SPATA31H1: variants seen among roughly 807,000 people sequenced by gnomAD.
SPATA31H1 encodes spermatogenesis-associated protein 31H1.
chr2:27,567,149 GA>G, the SPATA31H1 span: 6 of 672,892 alleles, frequency 8.9e-6, no homozygotes, highest in South Asian at 1.7e-5. Flanking sequence ...AACAAAAAAG[GA>G]AAAAAAATGA....
the SPATA31H1 span, among the ~76,000 whole-genome samples, chr2:27,548,264 C>T: frequency 2.6e-5 from 4 of 151,768 alleles, no homozygotes; most frequent in East Asian, 3.9e-4. Context: ...CCACCGCGCC[C>T]GGACTTAACA....
At chr2:27,582,150 A>G in the SPATA31H1 span, 1 of 1,614,116 alleles carries the variant, frequency 6.2e-7, no homozygotes, top group Admixed American at 1.7e-5. Context: ...CTTGGAAAGA[A>G]GCCGTTGCAG....
At chr2:27,544,915 T>C in the SPATA31H1 span, among the ~76,000 whole-genome samples, 3 of 151,926 alleles carry the variant, frequency 2.0e-5, no homozygotes, top group African/African-American at 4.9e-5. Flanking sequence ...CCAGCGTATA[T>C]TGAAATGTAG....
At chr2:27,541,230 A>T in the SPATA31H1 span, among the ~76,000 whole-genome samples, 1 of 151,894 alleles carries the variant, frequency 6.6e-6, no homozygotes. Flanking sequence ...CCACCAAAAA[A>T]AACATGAAAA....
the SPATA31H1 span, chr2:27,565,371 A>G: frequency 2.0e-5 from 14 of 717,308 alleles, no homozygotes; most frequent in Non-Finnish European, 3.4e-5. Flanking sequence ...AAGATCCAGA[A>G]ATTAACAGGT....
chr2:27,548,996 C>T, the SPATA31H1 span, among the ~76,000 whole-genome samples: 2 of 150,320 alleles, frequency 1.3e-5, no homozygotes, highest in Non-Finnish European at 2.9e-5. Flanking sequence ...ATTGCTTGAA[C>T]CCAGGAGGCG....
chr2:27,538,571 C>G, the SPATA31H1 span, among the ~76,000 whole-genome samples: 3 of 152,126 alleles, frequency 2.0e-5, no homozygotes, highest in African/African-American at 7.2e-5. Flanking sequence ...GTGGCTCTCG[C>G]CTGTAATCCC....
chr2:27,580,971 C>T, the SPATA31H1 span: 4 of 1,614,162 alleles, frequency 2.5e-6, no homozygotes, highest in Non-Finnish European at 3.4e-6. Context: ...TATTGCTTTC[C>T]AAACTGCCTC....
the SPATA31H1 span, chr2:27,579,282 G>C: frequency 6.2e-7 from 1 of 1,614,134 alleles, no homozygotes; most frequent in Non-Finnish European, 8.5e-7. Flanking sequence ...GACCACTATG[G>C]AAAGGAAGCT....
At chr2:27,575,160 A>T in the SPATA31H1 span, 10 of 398,562 alleles carry the variant, frequency 2.5e-5, no homozygotes, top group East Asian at 2.8e-4. This position sits in a 1 kb window ranked among gnomAD's most constrained non-coding sequence, Gnocchi z 4.1. Context: ...AAAGCTTCAG[A>T]CGGTGAACTC....
the SPATA31H1 span, chr2:27,575,335 A>G: frequency 2.5e-6 from 1 of 398,552 alleles, no homozygotes; most frequent in Non-Finnish European, 4.4e-6. The surrounding 1 kb of genome is among the most constrained non-coding windows in gnomAD (Gnocchi z 4.1). Context: ...CAAAGTGTAA[A>G]ATTTATGGTG....
the SPATA31H1 span, among the ~76,000 whole-genome samples, chr2:27,553,756 T>C: frequency 7.3e-6 from 1 of 136,892 alleles, no homozygotes; most frequent in South Asian, 2.2e-4. Context: ...ACCCTGTCTG[T>C]ACTAAAAATA....
chr2:27,546,872 A>G, the SPATA31H1 span, among the ~76,000 whole-genome samples: 171 of 152,162 alleles, frequency 1.1e-3, 2 homozygotes, highest in African/African-American at 4.0e-3. Context: ...ATGCAAAAAA[A>G]TCCATGATGA....
the SPATA31H1 span, chr2:27,566,476 A>G: frequency 3.0e-6 from 2 of 669,748 alleles, no homozygotes; most frequent in South Asian, 3.4e-5. Flanking sequence ...GGAGAGAGGG[A>G]GAAGAGAGAG....
chr2:27,576,463 G>C, the SPATA31H1 span: 1 of 791,714 alleles, frequency 1.3e-6, no homozygotes, highest in Non-Finnish European at 2.0e-6. Context: ...TCAACTCTAT[G>C]GCCACAACCT....
the SPATA31H1 span, chr2:27,565,974 G>T: frequency 5.9e-5 from 42 of 710,664 alleles, no homozygotes; most frequent in Middle Eastern, 4.6e-4. Context: ...TGCAAAAAGA[G>T]GGGGTTGGAC....
chr2:27,568,530 C>T, the SPATA31H1 span: 2 of 399,056 alleles, frequency 5.0e-6, no homozygotes, highest in Non-Finnish European at 8.8e-6. Context: ...TCCACCAGCA[C>T]AGCCACATGT....
chr2:27,558,924 G>GA, the SPATA31H1 span, among the ~76,000 whole-genome samples: 2 of 87,664 alleles, frequency 2.3e-5, no homozygotes, highest in African/African-American at 5.3e-5. Context: ...AGAGGGAGGG[G>GA]GAGGGAGAGG....
the SPATA31H1 span, chr2:27,566,632 T>C: frequency 3.4e-6 from 2 of 580,020 alleles, no homozygotes; most frequent in South Asian, 2.5e-5. Context: ...TTTTTTTTTT[T>C]TTCAAATTCT....
Sources: allele counts gnomAD v4.1 joint callset (sites outside exome capture counted in the v4.1 genomes callset), GRCh38; gene constraint gnomAD v4.1.1; non-coding constraint Gnocchi (gnomAD v3.1); transcripts MANE v1.5; gene names NCBI Gene and HGNC (gene_info 2026-07-23, HGNC 2026-07-21).